Variants in CDH9 observed in about 807,000 individuals in gnomAD.
The protein encoded by CDH9 is cadherin 9, also known as cadherin-9.
A neutral mutation model predicts 70.9 loss-of-function variants in CDH9; 28 were observed. That is an observed-to-expected ratio of 0.40 (90% confidence interval 0.29 to 0.54). CDH9 has a LOEUF of 0.54. Ranked by LOEUF, CDH9 falls within the 20% of genes least tolerant of loss-of-function variation. The pLI is 0.59. For missense variants in CDH9, 874 were observed against 984.4 expected, an observed-to-expected ratio of 0.89 and a Z score of 1.50; for synonymous variants, 409 against 343.1, an observed-to-expected ratio of 1.19 and a Z score of -2.12.
At chr5:26,971,326 A>G (rs956828394) in intron 2 of CDH9, among the ~76,000 whole-genome samples, 1 of 152,154 alleles carries the variant, frequency 6.6e-6, no homozygotes, top group Non-Finnish European at 1.5e-5. Context: ...AGCCTTGAAC[A>G]CATCATTTTC....
chr5:26,940,115 A>G (rs1741634496), intron 2 of CDH9, among the ~76,000 whole-genome samples: 1 of 150,340 alleles, frequency 6.7e-6, no homozygotes, highest in African/African-American at 2.4e-5. Context: ...GTGAGCCAAG[A>G]TTGTGCCACT....
intron 2 of CDH9, among the ~76,000 whole-genome samples, chr5:26,939,271 A>G (rs1470604284): frequency 2.6e-5 from 4 of 151,826 alleles, no homozygotes; most frequent in African/African-American, 7.2e-5. Flanking sequence ...TTGTTTTAAT[A>G]TATGTATCAA....
At chr5:26,892,512 A>T (rs1047422157) in intron 7 of CDH9, among the ~76,000 whole-genome samples, 1 of 152,208 alleles carries the variant, frequency 6.6e-6, no homozygotes, top group African/African-American at 2.4e-5. Context: ...GACAATTAAC[A>T]GGCTAATCAG....
chr5:26,893,714 G>A (rs931416425), intron 7 of CDH9, among the ~76,000 whole-genome samples: 1 of 150,540 alleles, frequency 6.6e-6, no homozygotes, highest in African/African-American at 2.5e-5. Context: ...TTTATTTTTG[G>A]AAGCAAATGT....
At chr5:26,904,109 T>A (rs1740904995) in intron 5 of CDH9, among the ~76,000 whole-genome samples, 1 of 151,806 alleles carries the variant, frequency 6.6e-6, no homozygotes, top group African/African-American at 2.4e-5. Context: ...AATCCAGAAC[T>A]TTTGGCTTAA....
intron 2 of CDH9, among the ~76,000 whole-genome samples, chr5:26,936,261 A>G (rs1357545523): frequency 1.3e-5 from 2 of 152,168 alleles, no homozygotes; most frequent in Non-Finnish European, 2.9e-5. Flanking sequence ...TTTTTAAAAT[A>G]TACAAAATTC....
At chr5:27,002,248 G>A (rs763712403) in intron 1 of CDH9, among the ~76,000 whole-genome samples, 2 of 152,106 alleles carry the variant, frequency 1.3e-5, no homozygotes, top group South Asian at 2.1e-4. Flanking sequence ...TTAGAATGGC[G>A]ATCATTAAAT....
intron 2 of CDH9, among the ~76,000 whole-genome samples, chr5:26,979,100 G>T (rs1055334449): frequency 6.6e-6 from 1 of 151,390 alleles, no homozygotes; most frequent in Non-Finnish European, 1.5e-5. Context: ...TAAATTAATA[G>T]AAAAGATTAT....
At chr5:26,898,428 G>A (rs1740791141) in intron 7 of CDH9, among the ~76,000 whole-genome samples, 1 of 151,970 alleles carries the variant, frequency 6.6e-6, no homozygotes, top group Non-Finnish European at 1.5e-5. Flanking sequence ...AAACTACACT[G>A]CAAGTCTTCA....
chr5:26,952,458 CAAAAAAAAAAA>C (rs766973787), intron 2 of CDH9, among the ~76,000 whole-genome samples: 10 of 9,960 alleles, frequency 1.0e-3, no homozygotes, highest in Admixed American at 7.4e-3. Context: ...ACTAAAAATA[CAAAAAAAAAAA>C]AAAAAAAAAA....
rs1332866549 is a variant in CDH9 at position 26,902,478 on chromosome 5, T to C, written c.1251A>G (p.Ile417Met). The C allele has an allele frequency of 1.3e-6, 2 of 1,593,822 alleles. No individual in the cohort carries two copies. Among genetic ancestry groups the C allele is most frequent in the Non-Finnish European group, 1.7e-6 (2 of 1,163,840 alleles). The stretch of plus-strand genomic sequence containing the variant: ...ATAAATGTTTTCAAAGTACTTACTT[T>C]ATTAAATTGTTCCTGGCATCTGGAT... ...AYDPDARNNLIKYSVDRHTDM... is the reference protein window; with the variant it reads ...AYDPDARNNLMKYSVDRHTDM... The change falls in exon 7 of 12, where the codon ATA (isoleucine) becomes ATG (methionine). Residue 417 changes from isoleucine to methionine, a missense_variant and splice_region_variant. Physicochemically the swap from Ile to Met is conservative, Grantham distance 10. Transcript: ENST00000231021.
chr5:26,961,316 A>T (rs558120988), intron 2 of CDH9, among the ~76,000 whole-genome samples: 1 of 152,150 alleles, frequency 6.6e-6, no homozygotes, highest in Non-Finnish European at 1.5e-5. Context: ...TGTTATTATC[A>T]GCTATAGTTA....
chr5:26,984,306 A>T (rs531270373), intron 2 of CDH9, among the ~76,000 whole-genome samples: 2 of 152,304 alleles, frequency 1.3e-5, no homozygotes, highest in South Asian at 2.1e-4. Flanking sequence ...ACATATTTTT[A>T]AATTAAAATG....
chr5:26,957,976 T>C (rs1035803047), intron 2 of CDH9, among the ~76,000 whole-genome samples: 3 of 152,096 alleles, frequency 2.0e-5, no homozygotes, highest in Non-Finnish European at 4.4e-5. Context: ...TATTGGAATA[T>C]AAAAAAATTA....
chr5:26,972,621 T>C lies in CDH9; in HGVS notation c.228+15485A>G, dbSNP rs140566587. Reference sequence around the variant, plus strand: ...TCTGCCTACAAGTGGACATACGCAGTTAAATCAGTGTCGTTAAAGGATCAA... The same window carrying C: ...TCTGCCTACAAGTGGACATACGCAGCTAAATCAGTGTCGTTAAAGGATCAA... On this transcript the variant is annotated intron_variant, in intron 2 of 11. Transcript: ENST00000231021. Among the ~76,000 whole-genome samples the C allele has an allele frequency of 3.5e-3, 530 of 152,262 alleles. 2 individuals carry two copies. The highest frequency in any genetic ancestry group is 0.012 in the African/African-American group (499 of 41,566).
rs59882843 is a variant in CDH9 at position 26,954,388 on chromosome 5, C to CTTTTTTTTTTTTTTTTTTTT, written c.228+33717_228+33718insAAAAAAAAAAAAAAAAAAAA. Among the ~76,000 whole-genome samples, 43 of 93,048 alleles carry CTTTTTTTTTTTTTTTTTTTT rather than the reference C, an allele frequency of 4.6e-4. 10 individuals carry two copies. Among genetic ancestry groups the CTTTTTTTTTTTTTTTTTTTT allele is most frequent in the African/African-American group, 1.9e-3 (41 of 21,264 alleles). The allele number at this position is 93,048 out of a possible 152,430, so 61.0% of individuals were successfully genotyped here. On this transcript the variant is annotated intron_variant, in intron 2 of 11. Coordinates refer to ENST00000231021, the MANE Select transcript of CDH9 (RefSeq NM_016279.4). ...AGCTTTTCGCTATTATACAGCCTTT[C>CTTTTTTTTTTTTTTTTTTTT]TTTTTTTTTTTTTTGAGACATAGTC...
chr5:26,991,158 A>G (rs974725265), intron 1 of CDH9, among the ~76,000 whole-genome samples: 4 of 152,180 alleles, frequency 2.6e-5, no homozygotes, highest in Non-Finnish European at 5.9e-5. Context: ...TTTTACTTCT[A>G]GTCCGGTAAG....
chr5:26,887,774 T>C (rs1431098203), intron 9 of CDH9, among the ~76,000 whole-genome samples: 2 of 152,040 alleles, frequency 1.3e-5, no homozygotes, highest in East Asian at 3.9e-4. Flanking sequence ...AGAAGCAAGT[T>C]TGGACACAGA....
intron 2 of CDH9, among the ~76,000 whole-genome samples, chr5:26,959,432 T>C (rs1741997470): frequency 6.6e-6 from 1 of 152,052 alleles, no homozygotes. Flanking sequence ...CAACCACTGG[T>C]GAAAAACAGG....
Sources: gnomAD v4.1 joint callset for allele counts (sites outside exome capture counted in the v4.1 genomes callset) on GRCh38, gnomAD v4.1.1 for gene constraint, MANE v1.5 for transcripts, NCBI Gene and HGNC (gene_info 2026-07-23, HGNC 2026-07-21) for gene names.